GALNT13: variants seen among roughly 807,000 people sequenced by gnomAD.
GALNT13 encodes the protein polypeptide N-acetylgalactosaminyltransferase 13, also known as UDP-GalNAc:polypeptide N-acetylgalactosaminyltransferase 13.
A neutral mutation model predicts 64.2 loss-of-function variants in GALNT13; 28 were observed. The observed-to-expected ratio is 0.44, with a 90% CI of 0.32 to 0.60. The LOEUF (loss-of-function observed/expected upper bound fraction) is 0.60, where lower values mean the gene tolerates loss of function less well. Ranked by LOEUF, GALNT13 falls within the 20% of genes least tolerant of loss-of-function variation. The pLI, the probability that GALNT13 is intolerant of heterozygous loss-of-function variation, is 0.05. For synonymous variants in GALNT13, 214 were observed against 224.6 expected (o/e 0.95, Z 0.42); for missense variants, 577 against 669.8 (o/e 0.86, Z 1.53).
intron 11 of GALNT13, among the ~76,000 whole-genome samples, chr2:154,410,355 C>T (rs1451247645): frequency 1.3e-5 from 2 of 151,804 alleles, no homozygotes; most frequent in Non-Finnish European, 2.9e-5. Context: ...TGTTTAGGAC[C>T]TCAATGATTT....
At chr2:154,031,993 A>T (rs1284663985) in intron 3 of GALNT13, among the ~76,000 whole-genome samples, 1 of 151,990 alleles carries the variant, frequency 6.6e-6, no homozygotes, top group East Asian at 1.9e-4. Context: ...AACTTTATAG[A>T]TTTGATGCTT....
At chr2:153,578,759 A>T in the GALNT13 span, among the ~76,000 whole-genome samples, 38 of 152,198 alleles carry the variant, frequency 2.5e-4, no homozygotes, top group Non-Finnish European at 4.7e-4. Context: ...TGTGGTCTGT[A>T]GCAATGGTCA....
chr2:153,634,269 C>A, the GALNT13 span, among the ~76,000 whole-genome samples: 2 of 152,056 alleles, frequency 1.3e-5, no homozygotes, highest in East Asian at 3.9e-4. Flanking sequence ...GAACTCTTAC[C>A]TTTTATGTAA....
At chr2:153,719,502 T>G in the GALNT13 span, among the ~76,000 whole-genome samples, 6 of 150,988 alleles carry the variant, frequency 4.0e-5, no homozygotes, top group Non-Finnish European at 7.4e-5. Context: ...AGCTCCCAGC[T>G]TGAGCGACGC....
intron 2 of GALNT13, among the ~76,000 whole-genome samples, chr2:153,902,212 T>C (rs1688283580): frequency 6.6e-6 from 1 of 152,116 alleles, no homozygotes; most frequent in Admixed American, 6.6e-5. Flanking sequence ...GCTCTAAAAT[T>C]GAATGGATTA....
intron 3 of GALNT13, among the ~76,000 whole-genome samples, chr2:153,968,987 T>G (rs2105119767): frequency 6.6e-6 from 1 of 152,226 alleles, no homozygotes; most frequent in South Asian, 2.1e-4. Context: ...ATTGAATAAT[T>G]TGATCTGTAT....
chr2:154,342,926 G>A (rs181694508), intron 9 of GALNT13, among the ~76,000 whole-genome samples: 2 of 152,012 alleles, frequency 1.3e-5, no homozygotes, highest in East Asian at 3.9e-4. Context: ...TCATTTGCCT[G>A]AGGTAAGCTC....
chr2:154,240,606 G>A (rs538531830), intron 4 of GALNT13, among the ~76,000 whole-genome samples: 4 of 152,152 alleles, frequency 2.6e-5, no homozygotes, highest in Non-Finnish European at 4.4e-5. Flanking sequence ...GTATATGGAC[G>A]GACGGGCAGG....
chr2:153,643,810 A>T, the GALNT13 span, among the ~76,000 whole-genome samples: 5 of 152,168 alleles, frequency 3.3e-5, no homozygotes, highest in East Asian at 9.6e-4. Context: ...AAAATCATTT[A>T]ATGTAATTTA....
the GALNT13 span, among the ~76,000 whole-genome samples, chr2:153,401,409 T>C: frequency 4.6e-5 from 7 of 151,686 alleles, no homozygotes; most frequent in Admixed American, 4.6e-4. Context: ...TCTGTTGATT[T>C]GGGGTGGAGA....
At chr2:153,147,651 G>C in the GALNT13 span, among the ~76,000 whole-genome samples, 42 of 150,958 alleles carry the variant, frequency 2.8e-4, no homozygotes, top group African/African-American at 1.0e-3. Context: ...CCTTATATAA[G>C]GCAACATTTA....
At chr2:153,464,676 G>C in the GALNT13 span, among the ~76,000 whole-genome samples, 1 of 151,978 alleles carries the variant, frequency 6.6e-6, no homozygotes, top group Non-Finnish European at 1.5e-5. Context: ...AGGACTGTAA[G>C]GTCACACCAT....
At chr2:153,678,543 A>C in the GALNT13 span, among the ~76,000 whole-genome samples, 1 of 152,034 alleles carries the variant, frequency 6.6e-6, no homozygotes, top group Non-Finnish European at 1.5e-5. Context: ...GGGGCATGGA[A>C]GGAGGGTGAG....
chr2:153,313,804 T>G, the GALNT13 span, among the ~76,000 whole-genome samples: 1 of 152,244 alleles, frequency 6.6e-6, no homozygotes, highest in South Asian at 2.1e-4. Context: ...TATGTAACAC[T>G]TATGTAAAAA....
intron 4 of GALNT13, among the ~76,000 whole-genome samples, chr2:154,239,522 G>A (rs1465347369): frequency 6.6e-6 from 1 of 152,012 alleles, no homozygotes; most frequent in African/African-American, 2.4e-5. Flanking sequence ...AAATGGTAGA[G>A]AGAACCCTCT....
chr2:153,342,743 T>C, the GALNT13 span, among the ~76,000 whole-genome samples: 1 of 152,092 alleles, frequency 6.6e-6, no homozygotes, highest in African/African-American at 2.4e-5. Flanking sequence ...GACAGCATTA[T>C]AGATGTCTCA....
At chr2:154,254,023 G>A (rs2113478) in intron 7 of GALNT13, among the ~76,000 whole-genome samples, 151,544 of 152,284 alleles carry the variant, frequency 1, 75,404 homozygotes, top group Middle Eastern at 1. Context: ...AAGGGGAAGA[G>A]TATGTCTTGA....
the GALNT13 span, among the ~76,000 whole-genome samples, chr2:153,245,613 C>G: frequency 0.83 from 126,262 of 152,146 alleles, 53,566 homozygotes; most frequent in African/African-American, 0.91. Flanking sequence ...GACCTCCCCC[C>G]CTCCCAACAC....
chr2:153,537,674 G>C, the GALNT13 span, among the ~76,000 whole-genome samples: 3 of 152,090 alleles, frequency 2.0e-5, no homozygotes, highest in Admixed American at 6.6e-5. Flanking sequence ...ATTCGCTTGT[G>C]GGGGCAGCTC....
Sources: gnomAD v4.1 joint callset for allele counts (sites outside exome capture counted in the v4.1 genomes callset) on GRCh38, gnomAD v4.1.1 for gene constraint, MANE v1.5 for transcripts, NCBI Gene and HGNC (gene_info 2026-07-23, HGNC 2026-07-21) for gene names.